Variants in GCKR observed in about 807,000 individuals in gnomAD.
GCKR encodes glucokinase regulatory protein.
In GCKR, 73 loss-of-function variants were observed where a neutral mutation model predicts 82.9. The observed-to-expected ratio is 0.88, with a 90% confidence interval of 0.73 to 1.07. The LOEUF (loss-of-function observed/expected upper bound fraction) is 1.07, where lower values mean the gene tolerates loss of function less well. Among genes scored for constraint, GCKR ranks in the 50% least tolerant of loss-of-function variants. The probability of loss-of-function intolerance (pLI) is 0.00; values close to 1 mark genes in which losing one functional copy is unlikely to be tolerated. For missense variants in GCKR, 784 were observed against 782.1 expected, an observed-to-expected ratio of 1.00 and a Z score of -0.03; for synonymous variants, 294 against 291.8, an observed-to-expected ratio of 1.01 and a Z score of -0.08.
chr2:27,497,539 T>C, intron 2 of GCKR, 23 bp from the exon 3 acceptor site: 1 of 1,600,086 alleles, frequency 6.2e-7, no homozygotes, highest in South Asian at 1.1e-5. Context: ...TCTTGGCTTC[T>C]CATTCCTGCA....
At chr2:27,509,532 G>A (rs543946067) in intron 16 of GCKR, 103 of 444,916 alleles carry the variant, frequency 2.3e-4, no homozygotes, top group African/African-American at 1.7e-3. Flanking sequence ...TGTAGAGATC[G>A]GGTTTCTCCA....
In GCKR at chr2:27,523,331, C is replaced by T; in HGVS notation, c.1770C>T (p.His590=). The T allele has an allele frequency of 6.2e-7, 1 of 1,613,034 alleles. No homozygotes were observed. The highest frequency in any genetic ancestry group is 8.5e-7 in the Non-Finnish European group (1 of 1,179,938). ...FRCSITEAQA[H]LAAAPSVCEA... is the part of the protein sequence containing the mutation. ...GCTCGATCACTGAGGCTCAGGCACA[C>T]CTGGCTGCAGCTCCTTCTGTCTGTG... is the stretch of plus-strand genomic sequence containing the variant. The change falls in exon 19 of 19, where the codon CAC becomes CAT. Residue 590 remains histidine, a synonymous_variant. Transcript: ENST00000264717.
chr2:27,518,976 C>A, intron 17 of GCKR, 39 bp downstream of exon 17: 1 of 1,570,150 alleles, frequency 6.4e-7, no homozygotes, highest in Non-Finnish European at 8.8e-7. Flanking sequence ...GGGACCTGGC[C>A]TCAATGCTTA....
intron 17 of GCKR, among the ~76,000 whole-genome samples, chr2:27,519,638 TG>T (rs939337888): frequency 1.3e-5 from 2 of 152,150 alleles, no homozygotes; most frequent in Non-Finnish European, 2.9e-5. Context: ...TTCCATTAGG[TG>T]GCAAACTGGC....
chr2:27,505,949 C>T, intron 10 of GCKR, 113 bp downstream of exon 10: 1 of 758,604 alleles, frequency 1.3e-6, no homozygotes, highest in South Asian at 1.4e-5. Flanking sequence ...AAGACTGCAG[C>T]CCACCACGCC....
In GCKR at chr2:27,497,339, G is replaced by A. The variant is rs754732948; in HGVS notation, c.156G>A (p.Leu52=). 1.2e-6 allele frequency: 2 copies of A among 1,614,218 alleles called. No individual in the cohort carries two copies. The highest frequency in any genetic ancestry group is 2.2e-5 in the South Asian group (2 of 91,082). Residue 52 remains leucine (L), a synonymous_variant, in exon 2 of 19, where the codon CTG becomes CTA. Transcript: ENST00000264717. The part of the protein sequence containing the change: ...DKADAENIVR[L]LGQCDAEIFQ... Reference sequence around the variant, plus strand: ...CAGATGCTGAGAACATTGTTCGACTGCTAGGGCAATGTGATGCTGAGATCT... The same window carrying A: ...CAGATGCTGAGAACATTGTTCGACTACTAGGGCAATGTGATGCTGAGATCT...
rs1356469031 is a variant in GCKR, at chr2:27,518,901, C to T, written c.1536C>T (p.Asn512=). The T allele has an allele frequency of 9.9e-6, 16 of 1,613,810 alleles. No homozygotes were observed. The East Asian group carries it at 3.6e-4, about 36-fold the overall frequency. ...QNHMLDLRIS[N]SKLFWRALAM... ...ACATGTTGGACCTTCGGATTAGCAA[C>T]TCCAAGCTCTTCTGGCGGGCGCTGG... The change falls in exon 17 of 19, where the codon AAC becomes AAT. Residue 512 remains asparagine, a synonymous_variant. Transcript: ENST00000264717.
chr2:27,506,746 G>A (rs1669756715), intron 11 of GCKR, 42 bp from the exon 12 acceptor site: 2 of 1,320,014 alleles, frequency 1.5e-6, no homozygotes, highest in Non-Finnish European at 2.2e-6. Context: ...TGGCCTCTTT[G>A]CACGGTGATC....
intron 3 of GCKR, 137 bp from the exon 4 acceptor site, chr2:27,498,118 A>T (rs1669461062): frequency 4.3e-6 from 3 of 702,942 alleles, no homozygotes; most frequent in South Asian, 1.7e-5. Flanking sequence ...ACTACATTGC[A>T]TGTATTTGTT....
Position 27,507,978 on chromosome 2 carries a change from C to T in GCKR, c.1242C>T (p.Asp414=), listed in dbSNP as rs768601653. The change falls in exon 15 of 19, where the codon GAC becomes GAT. Residue 414 remains aspartate, a splice_region_variant and synonymous_variant. Transcript: ENST00000264717. ...DTVVFIFTLD[D]NLTEVQTIVE... Reference sequence around the variant, plus strand: ...TCTGATGCCCTCCCCTTCTCCTAGACAACCTCACGGAGGTGCAGACTATAG... The same window carrying T: ...TCTGATGCCCTCCCCTTCTCCTAGATAACCTCACGGAGGTGCAGACTATAG... 5 of 1,607,568 alleles carry T rather than the reference C, an allele frequency of 3.1e-6. No homozygotes were observed. In the South Asian group the frequency reaches 3.3e-5, roughly 11 times the overall value.
chr2:27,508,247 T>C lies in GCKR; in HGVS notation c.1418T>C (p.Ile473Thr), dbSNP rs1023406003. Residue 473 changes from isoleucine (I) to threonine (T), a missense_variant, in exon 16 of 19, where the codon ATC becomes ACC. Ile to Thr is a moderately conservative substitution (Grantham distance 89). Transcript: ENST00000264717. ...TTCTTTGAATATGAAGGGAACTTCA[T>C]CCAGGTATGGGGAATGAGAAGGTCC... ...LLFFEYEGNFIQKFQRELSTK... is the reference protein window; with the variant it reads ...LLFFEYEGNFTQKFQRELSTK... 1.3e-6 allele frequency: 2 copies of C among 1,590,738 alleles called. No homozygotes were observed. Among genetic ancestry groups the C allele is most frequent in the Middle Eastern group, 1.7e-4 (1 of 6,020 alleles).
intron 16 of GCKR, among the ~76,000 whole-genome samples, chr2:27,512,122 A>G (rs1483052448): frequency 1.1e-4 from 16 of 151,330 alleles, no homozygotes; most frequent in Admixed American, 1.1e-3. Flanking sequence ...ACCTGTAATC[A>G]CAACTACTCA....
Position 27,523,639 on chromosome 2 carries a change from A to G in GCKR, c.*200A>G, listed in dbSNP as rs1477454163. On this transcript the variant is annotated 3_prime_UTR_variant, in exon 19 of 19. Transcript: ENST00000264717. Reference sequence around the variant, plus strand: ...GACCTAGTGGTTTCTACTCTCACCGACTTATTCTGATTTCAGAAATAAAAT... The same window carrying G: ...GACCTAGTGGTTTCTACTCTCACCGGCTTATTCTGATTTCAGAAATAAAAT... 1.7e-6 allele frequency: 1 copy of G among 597,748 alleles called. No individual in the cohort carries two copies. The highest frequency in any genetic ancestry group is 3.0e-6 in the Non-Finnish European group (1 of 335,892). 37.0% of individuals were successfully genotyped at this position (597,748 alleles called of 1,614,324 possible).
chr2:27,515,765 A>ATATATATATTTT (rs1286679766), intron 16 of GCKR, among the ~76,000 whole-genome samples: 1 of 106,930 alleles, frequency 9.4e-6, no homozygotes, highest in African/African-American at 3.8e-5. Context: ...ATATATATAT[A>ATATATATATTTT]TTTTTTTTTT....
At chr2:27,521,834 C>T (rs569827973) in intron 17 of GCKR, among the ~76,000 whole-genome samples, 46 of 151,426 alleles carry the variant, frequency 3.0e-4, no homozygotes, top group Admixed American at 1.2e-3. Flanking sequence ...GCAATCCTCC[C>T]ACCTCAGCCT....
At chr2:27,502,013 C>T (rs993151985) in intron 8 of GCKR, among the ~76,000 whole-genome samples, 3 of 152,166 alleles carry the variant, frequency 2.0e-5, no homozygotes, top group Admixed American at 2.0e-4. Flanking sequence ...GGGAACTCTG[C>T]TAAATAAACC....
At position 27,497,328 on chromosome 2, in the gene GCKR, A is replaced by G. The variant is rs1669438726; in HGVS notation, c.145A>G (p.Ile49Val). 7 of 1,614,172 alleles carry G rather than the reference A, an allele frequency of 4.3e-6. No individual in the cohort carries two copies. Among genetic ancestry groups the G allele is most frequent in the South Asian group, 1.1e-5 (1 of 91,088 alleles). Reference sequence around the variant, plus strand: ...TCTAGACAAAGCAGATGCTGAGAACATTGTTCGACTGCTAGGGCAATGTGA... The same window carrying G: ...TCTAGACAAAGCAGATGCTGAGAACGTTGTTCGACTGCTAGGGCAATGTGA... Reference protein sequence around the residue: ...QDLDKADAENIVRLLGQCDAE... With the variant: ...QDLDKADAENVVRLLGQCDAE... Residue 49 changes from isoleucine to valine, a missense_variant, in exon 2 of 19, where the codon ATT becomes GTT. Ile to Val is a conservative substitution (Grantham distance 29). Transcript: ENST00000264717.
In GCKR at chr2:27,496,897, G is replaced by A. The variant is rs771102257; in HGVS notation, c.-8G>A. The A allele has an allele frequency of 1.6e-5, 26 of 1,612,774 alleles. No individual in the cohort carries two copies. Among genetic ancestry groups the A allele is most frequent in the South Asian group, 1.4e-4 (13 of 91,046 alleles). On this transcript the variant is annotated 5_prime_UTR_variant, in exon 1 of 19. The change creates a new upstream start codon in the 5' untranslated region. Coordinates refer to ENST00000264717, the MANE Select transcript of GCKR (RefSeq NM_001486.4). ...GCAGGAGGAACAGTGTATCCACAGC[G>A]TGGGACCATGCCAGGCACAAAACGG...
chr2:27,500,289 C>A (rs1317633925), intron 7 of GCKR, among the ~76,000 whole-genome samples: 1 of 151,966 alleles, frequency 6.6e-6, no homozygotes, highest in Non-Finnish European at 1.5e-5. Flanking sequence ...AGGGTTTCTA[C>A]TAAAAAAGAA....
Sources: gnomAD v4.1 joint callset for allele counts (sites outside exome capture counted in the v4.1 genomes callset) on GRCh38, gnomAD v4.1.1 for gene constraint, MANE v1.5 for transcripts, NCBI Gene and HGNC (gene_info 2026-07-23, HGNC 2026-07-21) for gene names.